The following EPOP variants were observed in gnomAD, a reference collection of about 807,000 sequenced individuals.
EPOP encodes elongin BC and Polycomb repressive complex 2-associated protein.
Under a neutral mutation model 18.2 loss-of-function variants are expected in EPOP, and 14 were observed. The observed-to-expected ratio is 0.77, with a 90% CI of 0.51 to 1.20. The LOEUF is 1.20. Among genes scored for constraint, EPOP ranks in the 50% most tolerant of loss-of-function variants. EPOP has a pLI of 0.00. For missense variants in EPOP, 527 were observed against 577.2 expected (o/e 0.91, Z 0.89); for synonymous variants, 252 against 274.9 (o/e 0.92, Z 0.83).
Position 38,672,566 on chromosome 17 carries a change from G to C in EPOP, c.*790C>G, listed in dbSNP as rs796938510. On this transcript the variant is annotated 3_prime_UTR_variant, in exon 1 of 1. Transcript: ENST00000621654. ...GAGAGGAGGTCCCTCAGCCCTACCC[G>C]TCCTAAGGGAAGTAAGTTGGGGGAG... 5.3e-5 allele frequency: 8 copies of C among 152,318 alleles called. No homozygotes were observed. The highest frequency in any genetic ancestry group is 1.9e-4 in the African/African-American group (8 of 41,540). The allele number at this position is 152,318 out of a possible 1,614,324, so 9.4% of individuals were successfully genotyped here. A position where few individuals can be genotyped will look rare whatever the true frequency, so the allele number is the denominator to read the frequency against.
rs985713433 is a variant in EPOP at position 38,674,185 on chromosome 17, G to A, written c.311C>T (p.Ala104Val). 7.0e-6 allele frequency: 10 copies of A among 1,421,194 alleles called. No individual in the cohort carries two copies. The African/African-American group carries it at 1.5e-4, about 21-fold the overall frequency. 88.0% of individuals were successfully genotyped at this position (1,421,194 alleles called of 1,614,324 possible). Residue 104 changes from alanine (A) to valine (V), a missense_variant, in exon 1 of 1, where the codon GCC becomes GTC. Physicochemically the swap from Ala to Val is moderately conservative, Grantham distance 64. Transcript: ENST00000621654. This position sits in a 1 kb window ranked among gnomAD's most constrained non-coding sequence, Gnocchi z 4.5. ...CGCTGCGACGTCCGCATCCTCGCCG[G>A]CGGCGGTGTTAGGAACGCCGGGCCG... The part of the protein sequence containing the change: ...TGRPGVPNTA[A>V]GEDADVAACP...
At position 38,672,376 on chromosome 17, in the gene EPOP, T is replaced by C. The variant is rs1597972563; in HGVS notation, c.*980A>G. The C allele has an allele frequency of 6.6e-6, 1 of 152,268 alleles. No individual in the cohort carries two copies. Among genetic ancestry groups the C allele is most frequent in the African/African-American group, 2.4e-5 (1 of 41,452 alleles). 9.4% of individuals were successfully genotyped at this position (152,268 alleles called of 1,614,324 possible). A position where few individuals can be genotyped will look rare whatever the true frequency, so the allele number is the denominator to read the frequency against. On this transcript the variant is annotated 3_prime_UTR_variant, in exon 1 of 1. Transcript: ENST00000621654. Reference sequence around the variant, plus strand: ...GGGCTGAGTTTGGGTGTCCAAAGAATGGACTTGGGCCTGCCTTCCACCTCC... The same window carrying C: ...GGGCTGAGTTTGGGTGTCCAAAGAACGGACTTGGGCCTGCCTTCCACCTCC...
chr17:38,674,178 C>T lies in EPOP; in HGVS notation c.318G>A (p.Glu106=), dbSNP rs576284104. 2.8e-6 allele frequency: 4 copies of T among 1,423,956 alleles called. No individual in the cohort carries two copies. Among genetic ancestry groups the T allele is most frequent in the East Asian group, 2.9e-5 (1 of 34,440 alleles). 88.2% of individuals were successfully genotyped at this position (1,423,956 alleles called of 1,614,324 possible). A position where few individuals can be genotyped will look rare whatever the true frequency, so the allele number is the denominator to read the frequency against. Residue 106 remains glutamate (E), a synonymous_variant, in exon 1 of 1, where the codon GAG becomes GAA. Coordinates refer to ENST00000621654, the MANE Select transcript of EPOP (RefSeq NM_001130677.2). This position sits in a 1 kb window ranked among gnomAD's most constrained non-coding sequence, Gnocchi z 4.5. The stretch of plus-strand genomic sequence containing the variant: ...GGGGGCACGCTGCGACGTCCGCATC[C>T]TCGCCGGCGGCGGTGTTAGGAACGC... ...RPGVPNTAAG[E]DADVAACPRR... is the part of the protein sequence containing the mutation.
chr17:38,674,009 C>CCGGGGCCGGGCGAGG lies in EPOP; in HGVS notation c.472_486dup (p.Pro158_Pro162dup), dbSNP rs1239196374. 3 of 1,390,192 alleles carry CCGGGGCCGGGCGAGG rather than the reference C, an allele frequency of 2.2e-6. No individual in the cohort carries two copies. The highest frequency in any genetic ancestry group is 2.1e-4 in the Middle Eastern group (1 of 4,728). 86.1% of individuals were successfully genotyped at this position (1,390,192 alleles called of 1,614,324 possible). A position where few individuals can be genotyped will look rare whatever the true frequency, so the allele number is the denominator to read the frequency against. Reference sequence around the variant, plus strand: ...GCTGGGCCACGCTGAGGCTCGAGACCCGGGGCCGGGCGAGGCGGGGCCGAG... The same window carrying CCGGGGCCGGGCGAGG: ...GCTGGGCCACGCTGAGGCTCGAGACCCGGGGCCGGGCGAGGCGGGGCCGGGCGAGGCGGGGCCGAG... On this transcript the variant is annotated inframe_insertion, in exon 1 of 1. Coordinates refer to ENST00000621654, the MANE Select transcript of EPOP (RefSeq NM_001130677.2). The surrounding 1 kb of genome is among the most constrained non-coding windows in gnomAD (Gnocchi z 4.5).
chr17:38,673,471 T>G lies in EPOP; in HGVS notation c.1025A>C (p.Gln342Pro). ...GGCGGGCGGGGGCTTAGAGTCTCCC[T>G]GGAGGCGAAGCGAGGATGCCGGCTT... ...DLKPASSLRL[Q>P]GDSKPPPAHP... Residue 342 changes from glutamine (Q) to proline (P), a missense_variant, in exon 1 of 1, where the codon CAG becomes CCG. Coordinates refer to ENST00000621654, the MANE Select transcript of EPOP (RefSeq NM_001130677.2). The G allele has an allele frequency of 6.5e-7, 1 of 1,537,096 alleles. No individual in the cohort carries two copies. The highest frequency in any genetic ancestry group is 8.8e-7 in the Non-Finnish European group (1 of 1,141,932).
At position 38,673,077 on chromosome 17, in the gene EPOP, C is replaced by T. The variant is rs1889992570; in HGVS notation, c.*279G>A. 2 of 420,238 alleles carry T rather than the reference C, an allele frequency of 4.8e-6. No homozygotes were observed. Among genetic ancestry groups the T allele is most frequent in the African/African-American group, 4.1e-5 (2 of 48,576 alleles). 26.0% of individuals were successfully genotyped at this position (420,238 alleles called of 1,614,324 possible). Reference sequence around the variant, plus strand: ...CTTTGCTCCCACTGGGGTGCAGGCCCTGCCTCCAACGGTCCGAGATGGAAG... The same window carrying T: ...CTTTGCTCCCACTGGGGTGCAGGCCTTGCCTCCAACGGTCCGAGATGGAAG... On this transcript the variant is annotated 3_prime_UTR_variant, in exon 1 of 1. Transcript: ENST00000621654.
Position 38,673,543 on chromosome 17 carries a change from C to A in EPOP, c.953G>T (p.Cys318Phe). ...PTTSTFSLLN[C>F]FPCPPALVVG... Reference sequence around the variant, plus strand: ...CACCAGGGCCGGGGGGCAGGGGAAGCAGTTGAGGAGGCTGAAGGTGCTCGT... The same window carrying A: ...CACCAGGGCCGGGGGGCAGGGGAAGAAGTTGAGGAGGCTGAAGGTGCTCGT... Residue 318 changes from cysteine to phenylalanine, a missense_variant, in exon 1 of 1, where the codon TGC (cysteine) becomes TTC (phenylalanine). By Grantham distance (205) the Cys-to-Phe change is radical. Coordinates refer to ENST00000621654, the MANE Select transcript of EPOP (RefSeq NM_001130677.2). 6.6e-7 allele frequency: 1 copy of A among 1,510,252 alleles called. No homozygotes were observed. Among genetic ancestry groups the A allele is most frequent in the South Asian group, 1.3e-5 (1 of 77,538 alleles). The allele number at this position is 1,510,252 out of a possible 1,614,324, so 93.6% of individuals were successfully genotyped here. A position where few individuals can be genotyped will look rare whatever the true frequency, so the allele number is the denominator to read the frequency against.
rs1343510939 is a variant in EPOP, at chr17:38,674,443, C to A, written c.53G>T (p.Gly18Val). 3 of 1,539,648 alleles carry A rather than the reference C, an allele frequency of 1.9e-6. No individual in the cohort carries two copies. In the Admixed American group the frequency reaches 5.9e-5, roughly 30 times the overall value. Reference protein sequence around the residue: ...PRLAVPASPRGSPCSPTPRKP... With the variant: ...PRLAVPASPRVSPCSPTPRKP... ...CCGGGGCGTGGGGGAGCAGGGCGAC[C>A]CTCGCGGGGACGCCGGCACTGCCAG... The change falls in exon 1 of 1, where the codon GGG (glycine) becomes GTG (valine). Residue 18 changes from glycine to valine, a missense_variant. By Grantham distance (109) the Gly-to-Val change is moderately radical. Coordinates refer to ENST00000621654, the MANE Select transcript of EPOP (RefSeq NM_001130677.2). This position sits in a 1 kb window ranked among gnomAD's most constrained non-coding sequence, Gnocchi z 4.5.
Position 38,673,724 on chromosome 17 carries a change from C to T in EPOP, c.772G>A (p.Ala258Thr). The change falls in exon 1 of 1, where the codon GCG (alanine) becomes ACG (threonine). Residue 258 changes from alanine (A) to threonine (T), a missense_variant. Physicochemically the swap from Ala to Thr is moderately conservative, Grantham distance 58 (BLOSUM62 0). Coordinates refer to ENST00000621654, the MANE Select transcript of EPOP (RefSeq NM_001130677.2). ...LIRRSKLWCY[A>T]KGFALDTPSL... Reference sequence around the variant, plus strand: ...GGAGTGTCCAAGGCGAAGCCCTTCGCGTAACACCAAAGTTTCGACCGGCGG... The same window carrying T: ...GGAGTGTCCAAGGCGAAGCCCTTCGTGTAACACCAAAGTTTCGACCGGCGG... 1 of 1,531,416 alleles carries T rather than the reference C, an allele frequency of 6.5e-7. No individual in the cohort carries two copies. The highest frequency in any genetic ancestry group is 8.8e-7 in the Non-Finnish European group (1 of 1,139,538). 94.9% of individuals were successfully genotyped at this position (1,531,416 alleles called of 1,614,324 possible).
chr17:38,674,276 G>C lies in EPOP; in HGVS notation c.220C>G (p.Gln74Glu). Residue 74 changes from glutamine (Q) to glutamate (E), a missense_variant, in exon 1 of 1, where the codon CAG becomes GAG. Transcript: ENST00000621654. This position sits in a 1 kb window ranked among gnomAD's most constrained non-coding sequence, Gnocchi z 4.5. ...CAGCCGCCAGGGCGCAGGGGGGCCTGAGGGCCCCGCAGCACTGGGGACCGC... is the reference window on the plus strand; with the variant it reads ...CAGCCGCCAGGGCGCAGGGGGGCCTCAGGGCCCCGCAGCACTGGGGACCGC... ...AARSPVLRGP[Q>E]APLRPGGWAP... 1 of 1,479,654 alleles carries C rather than the reference G, an allele frequency of 6.8e-7. No homozygotes were observed. Among genetic ancestry groups the C allele is most frequent in the Non-Finnish European group, 8.9e-7 (1 of 1,124,306 alleles). 91.7% of individuals were successfully genotyped at this position (1,479,654 alleles called of 1,614,324 possible).
Position 38,674,468 on chromosome 17 carries a change from G to A in EPOP, c.28C>T (p.Leu10=). 1 of 1,537,276 alleles carries A rather than the reference G, an allele frequency of 6.5e-7. No individual in the cohort carries two copies. The highest frequency in any genetic ancestry group is 8.7e-7 in the Non-Finnish European group (1 of 1,145,054). METLCPAPR[L]AVPASPRGSP... is the part of the protein sequence containing the mutation. ...CCTCGCGGGGACGCCGGCACTGCCA[G>A]GCGGGGCGCAGGGCACAGGGTCTCC... The change falls in exon 1 of 1, where the codon CTG becomes TTG. Residue 10 remains leucine, a synonymous_variant. Coordinates refer to ENST00000621654, the MANE Select transcript of EPOP (RefSeq NM_001130677.2). This position sits in a 1 kb window ranked among gnomAD's most constrained non-coding sequence, Gnocchi z 4.5.
In EPOP at chr17:38,672,931, C is replaced by G. The variant is rs894404012; in HGVS notation, c.*425G>C. 5.6e-5 allele frequency: 9 copies of G among 161,194 alleles called. No homozygotes were observed. The highest frequency in any genetic ancestry group is 4.5e-4 in the Admixed American group (7 of 15,526). 10.0% of individuals were successfully genotyped at this position (161,194 alleles called of 1,614,324 possible). ...GAGCTGCCAATCATCTCCCCACCCC[C>G]ACCACAGCCCCGCACCCCAGGCTCG... On this transcript the variant is annotated 3_prime_UTR_variant, in exon 1 of 1. Coordinates refer to ENST00000621654, the MANE Select transcript of EPOP (RefSeq NM_001130677.2).
At position 38,673,696 on chromosome 17, in the gene EPOP, C is replaced by T. The variant is rs1467624013; in HGVS notation, c.800G>A (p.Ser267Asn). The T allele has an allele frequency of 1.3e-6, 2 of 1,533,266 alleles. No individual in the cohort carries two copies. Among genetic ancestry groups the T allele is most frequent in the African/African-American group, 2.9e-5 (2 of 69,996 alleles). 95.0% of individuals were successfully genotyped at this position (1,533,266 alleles called of 1,614,324 possible). A position where few individuals can be genotyped will look rare whatever the true frequency, so the allele number is the denominator to read the frequency against. ...CGGCCGCTCTGGCCCCCGGCGCAAA[C>T]TCGGAGTGTCCAAGGCGAAGCCCTT... ...YAKGFALDTP[S>N]LRRGPERPPA... Residue 267 changes from serine (S) to asparagine (N), a missense_variant, in exon 1 of 1, where the codon AGT (serine) becomes AAT (asparagine). Ser to Asn is a conservative substitution (Grantham distance 46, BLOSUM62 1). Coordinates refer to ENST00000621654, the MANE Select transcript of EPOP (RefSeq NM_001130677.2).
At position 38,674,607 on chromosome 17, in the gene EPOP, G is replaced by T. The variant is rs1313750590; in HGVS notation, c.-112C>A. 2 of 1,182,494 alleles carry T rather than the reference G, an allele frequency of 1.7e-6. No individual in the cohort carries two copies. Among genetic ancestry groups the T allele is most frequent in the East Asian group, 3.0e-5 (1 of 33,394 alleles). The allele number at this position is 1,182,494 out of a possible 1,614,324, so 73.3% of individuals were successfully genotyped here. ...AACATCGCCCCCCGTCGACGGGGAG[G>T]TCTCTGCTCACGGGCGCCCCCGGCC... On this transcript the variant is annotated 5_prime_UTR_variant, in exon 1 of 1. Transcript: ENST00000621654. This position sits in a 1 kb window ranked among gnomAD's most constrained non-coding sequence, Gnocchi z 4.5.
Position 38,674,678 on chromosome 17 carries a change from A to C in EPOP, c.-183T>G. The C allele has an allele frequency of 5.9e-6, 3 of 505,168 alleles. No homozygotes were observed. The highest frequency in any genetic ancestry group is 6.5e-6 in the Non-Finnish European group (2 of 309,228). The allele number at this position is 505,168 out of a possible 1,614,324, so 31.3% of individuals were successfully genotyped here. Reference sequence around the variant, plus strand: ...CTCGGGCTCCCTCTTCGCTCTCCTCACGCGGCCCTCCCGGCGGCCGGACTC... The same window carrying C: ...CTCGGGCTCCCTCTTCGCTCTCCTCCCGCGGCCCTCCCGGCGGCCGGACTC... On this transcript the variant is annotated 5_prime_UTR_variant, in exon 1 of 1. Coordinates refer to ENST00000621654, the MANE Select transcript of EPOP (RefSeq NM_001130677.2). This position sits in a 1 kb window ranked among gnomAD's most constrained non-coding sequence, Gnocchi z 4.5.
rs79676758 is a variant in EPOP, at chr17:38,674,309, G to C, written c.187C>G (p.Leu63Val). Residue 63 changes from leucine (L) to valine (V), a missense_variant, in exon 1 of 1, where the codon CTG becomes GTG. Coordinates refer to ENST00000621654, the MANE Select transcript of EPOP (RefSeq NM_001130677.2). This position sits in a 1 kb window ranked among gnomAD's most constrained non-coding sequence, Gnocchi z 4.5. The part of the protein sequence containing the change: ...ASSLGPGPGE[L>V]AARSPVLRGP... ...CGCAGCACTGGGGACCGCGCCGCCA[G>C]CTCCCCAGGCCCCGGGCCCAGAGAG... 0.19 allele frequency: 285,216 copies of C among 1,525,626 alleles called. 27,731 individuals are homozygous for C. The highest frequency in any genetic ancestry group is 0.28 in the African/African-American group (20,002 of 71,042). 94.5% of individuals were successfully genotyped at this position (1,525,626 alleles called of 1,614,324 possible).
At position 38,672,226 on chromosome 17, in the gene EPOP, C is replaced by T. The variant is rs553645779; in HGVS notation, c.*1130G>A. ...CGGGGGGAAGCTTAAGGTACCTCAG[C>T]CCAGGTTCCATCCAGACTCAAACTT... On this transcript the variant is annotated 3_prime_UTR_variant, in exon 1 of 1. Transcript: ENST00000621654. 1 of 152,412 alleles carries T rather than the reference C, an allele frequency of 6.6e-6. No homozygotes were observed. Among genetic ancestry groups the T allele is most frequent in the Admixed American group, 6.5e-5 (1 of 15,300 alleles). 9.4% of individuals were successfully genotyped at this position (152,412 alleles called of 1,614,324 possible).
rs1403570449 is a variant in EPOP, at chr17:38,672,978, G to A, written c.*378C>T. ...CTCGCCCACAGACACAGTAACAACC[G>A]GTTTGTCCATCACCGAGGTCTCTCT... On this transcript the variant is annotated 3_prime_UTR_variant, in exon 1 of 1. Transcript: ENST00000621654. 1.1e-5 allele frequency: 2 copies of A among 180,088 alleles called. No homozygotes were observed. Among genetic ancestry groups the A allele is most frequent in the Non-Finnish European group, 2.3e-5 (2 of 87,222 alleles). The allele number at this position is 180,088 out of a possible 1,614,324, so 11.2% of individuals were successfully genotyped here. A position where few individuals can be genotyped will look rare whatever the true frequency, so the allele number is the denominator to read the frequency against.
chr17:38,674,451 G>T lies in EPOP; in HGVS notation c.45C>A (p.Ser15=). Residue 15 remains serine, a synonymous_variant, in exon 1 of 1, where the codon TCC becomes TCA. Coordinates refer to ENST00000621654, the MANE Select transcript of EPOP (RefSeq NM_001130677.2). The surrounding 1 kb of genome is among the most constrained non-coding windows in gnomAD (Gnocchi z 4.5). ...TGGGGGAGCAGGGCGACCCTCGCGG[G>T]GACGCCGGCACTGCCAGGCGGGGCG... ...CPAPRLAVPA[S]PRGSPCSPTP... 1 of 1,539,186 alleles carries T rather than the reference G, an allele frequency of 6.5e-7. No homozygotes were observed. The highest frequency in any genetic ancestry group is 8.7e-7 in the Non-Finnish European group (1 of 1,145,380).
Sources: allele counts gnomAD v4.1 joint callset, GRCh38; gene constraint gnomAD v4.1.1; non-coding constraint Gnocchi (gnomAD v3.1); transcripts MANE v1.5; gene names NCBI Gene and HGNC (gene_info 2026-07-23, HGNC 2026-07-21).